Variants in TMPRSS11D observed in about 807,000 individuals in gnomAD.
The protein encoded by TMPRSS11D is transmembrane serine protease 11D, also known as transmembrane protease serine 11D.
In TMPRSS11D, 32 loss-of-function variants were observed where a neutral mutation model predicts 44.4. That is an observed-to-expected ratio of 0.72 (90% CI 0.54 to 0.97). The LOEUF (loss-of-function observed/expected upper bound fraction) is 0.97. TMPRSS11D is among the 50% of genes least tolerant of loss of function. The pLI is 0.00. For synonymous variants in TMPRSS11D, 179 were observed against 177.9 expected (o/e 1.01, Z -0.05); for missense variants, 446 against 502.6 (o/e 0.89, Z 1.08).
chr4:67,859,796 A>C lies in TMPRSS11D; in HGVS notation c.9-118T>G, dbSNP rs1400939331. On this transcript the variant is annotated intron_variant, in intron 1 of 9. Coordinates refer to ENST00000283916, the MANE Select transcript of TMPRSS11D (RefSeq NM_004262.3). ...TCTTATCTGGGACATGGCTCTAGCC[A>C]TAGAAACATATTCGTAGATATGAAA... 16 of 1,336,414 alleles carry C rather than the reference A, an allele frequency of 1.2e-5. No individual in the cohort carries two copies. The South Asian group carries it at 2.4e-4, about 20-fold the overall frequency. The allele number at this position is 1,336,414 out of a possible 1,614,324, so 82.8% of individuals were successfully genotyped here. A position where few individuals can be genotyped will look rare whatever the true frequency, so the allele number is the denominator to read the frequency against.
chr4:67,845,175 TAAAG>T (rs1301736646), intron 3 of TMPRSS11D, among the ~76,000 whole-genome samples: 1 of 152,030 alleles, frequency 6.6e-6, no homozygotes, highest in Non-Finnish European at 1.5e-5. Flanking sequence ...ATAAGCAACA[TAAAG>T]AAAGCAAGTT....
intron 7 of TMPRSS11D, among the ~76,000 whole-genome samples, chr4:67,830,501 GA>G (rs1717920542): frequency 6.6e-6 from 1 of 151,924 alleles, no homozygotes; most frequent in Non-Finnish European, 1.5e-5. Context: ...AGTTAATACA[GA>G]AAATAAAAAT....
chr4:67,823,824 G>GT (rs201590504), intron 9 of TMPRSS11D, among the ~76,000 whole-genome samples: 4,658 of 151,876 alleles, frequency 0.031, 256 homozygotes, highest in African/African-American at 0.11. Context: ...TTTTTGTAGT[G>GT]TTTTTTTTTC....
intron 7 of TMPRSS11D, among the ~76,000 whole-genome samples, chr4:67,831,233 T>G (rs1405885045): frequency 6.6e-6 from 1 of 152,086 alleles, no homozygotes; most frequent in African/African-American, 2.4e-5. Context: ...GAAAGCTACA[T>G]AGAAGAGGTG....
At chr4:67,875,259 T>C (rs78677836) in intron 1 of TMPRSS11D, among the ~76,000 whole-genome samples, 1,701 of 152,314 alleles carry the variant, frequency 0.011, 30 homozygotes, top group African/African-American at 0.038. Context: ...GCAGTATGCA[T>C]ACTGGCAGGG....
At chr4:67,844,363 T>G (rs1321608858) in intron 3 of TMPRSS11D, among the ~76,000 whole-genome samples, 3 of 152,182 alleles carry the variant, frequency 2.0e-5, no homozygotes, top group Non-Finnish European at 2.9e-5. Context: ...TAATTTTCTT[T>G]TTTTTTTCCA....
intron 5 of TMPRSS11D, among the ~76,000 whole-genome samples, chr4:67,836,841 G>A (rs1260406359): frequency 1.3e-5 from 2 of 152,154 alleles, no homozygotes; most frequent in Non-Finnish European, 2.9e-5. Flanking sequence ...ATCGCGTTCA[G>A]TACAGACTGT....
chr4:67,827,651 G>T, intron 7 of TMPRSS11D, 131 bp from the exon 8 acceptor site: 1 of 1,018,030 alleles, frequency 9.8e-7, no homozygotes, highest in Non-Finnish European at 1.4e-6. Flanking sequence ...ATATTTTCCT[G>T]CATTATAAGC....
At chr4:67,876,378 C>A (rs1431019863) in intron 1 of TMPRSS11D, among the ~76,000 whole-genome samples, 1 of 151,786 alleles carries the variant, frequency 6.6e-6, no homozygotes, top group Non-Finnish European at 1.5e-5. Flanking sequence ...ATATGTAGAA[C>A]CTAACTTTGG....
intron 6 of TMPRSS11D, among the ~76,000 whole-genome samples, chr4:67,834,433 G>A (rs1276019747): frequency 1.3e-5 from 2 of 152,184 alleles, no homozygotes; most frequent in South Asian, 4.2e-4. Flanking sequence ...ACACCCATAG[G>A]ACTACCATCA....
At chr4:67,838,081 A>G (rs561057127) in intron 5 of TMPRSS11D, 91 bp downstream of exon 5, 13 of 1,131,584 alleles carry the variant, frequency 1.1e-5, no homozygotes, top group Non-Finnish European at 1.5e-5. Context: ...TCAAAGAAAG[A>G]AAAGTCAGCC....
Position 67,859,661 on chromosome 4 carries a change from G to C in TMPRSS11D, c.26C>G (p.Ser9Trp). 1 of 1,612,828 alleles carries C rather than the reference G, an allele frequency of 6.2e-7. No individual in the cohort carries two copies. The highest frequency in any genetic ancestry group is 8.5e-7 in the Non-Finnish European group (1 of 1,179,136). ...ATATGGATTCAGAAATCTTGAAGTCGAAGTTACACGTGCTGGCCTTACAAG... is the reference window on the plus strand; with the variant it reads ...ATATGGATTCAGAAATCTTGAAGTCCAAGTTACACGTGCTGGCCTTACAAG... The part of the protein sequence containing the change: MYRPARVT[S>W]TSRFLNPYVV... The change falls in exon 2 of 10, where the codon TCG (serine) becomes TGG (tryptophan). Residue 9 changes from serine (S) to tryptophan (W), a missense_variant. Transcript: ENST00000283916.
chr4:67,852,402 G>T (rs1718530709), intron 3 of TMPRSS11D, among the ~76,000 whole-genome samples: 1 of 152,108 alleles, frequency 6.6e-6, no homozygotes, highest in South Asian at 2.1e-4. Flanking sequence ...CCCAATGTCA[G>T]AATTTTTGAT....
intron 1 of TMPRSS11D, among the ~76,000 whole-genome samples, chr4:67,882,151 T>C (rs544799069): frequency 9.9e-5 from 15 of 152,010 alleles, no homozygotes; most frequent in Middle Eastern, 6.8e-3. Context: ...GGAAGAGAGC[T>C]GGGAGTTTAA....
intron 5 of TMPRSS11D, among the ~76,000 whole-genome samples, chr4:67,836,414 G>A (rs1190603705): frequency 6.6e-6 from 1 of 151,988 alleles, no homozygotes; most frequent in Non-Finnish European, 1.5e-5. Context: ...AGGTTTCCAC[G>A]CTCTCTCAAA....
intron 3 of TMPRSS11D, among the ~76,000 whole-genome samples, chr4:67,845,825 G>A (rs945745379): frequency 7.9e-5 from 12 of 152,116 alleles, no homozygotes; most frequent in African/African-American, 2.7e-4. Context: ...GTTATGGCAT[G>A]TGTAAGAAAA....
chr4:67,859,539 T>A lies in TMPRSS11D; in HGVS notation c.130+18A>T. The A allele has an allele frequency of 6.2e-7, 1 of 1,611,166 alleles. No homozygotes were observed. The highest frequency in any genetic ancestry group is 8.5e-7 in the Non-Finnish European group (1 of 1,178,144). On this transcript the variant is annotated intron_variant, in intron 2 of 9. Coordinates refer to ENST00000283916, the MANE Select transcript of TMPRSS11D (RefSeq NM_004262.3). ...TGTAGCTATTAAATCTGAAGAGTAA[T>A]AATGTTCTGGTACTTACCAAAAGCT...
At chr4:67,869,009 TTTGAAGA>T (rs1362088855) in intron 1 of TMPRSS11D, among the ~76,000 whole-genome samples, 1 of 152,222 alleles carries the variant, frequency 6.6e-6, no homozygotes, top group Admixed American at 6.5e-5. Context: ...AAGATGAAAC[TTTGAAGA>T]TTGAGCTTGC....
At position 67,825,783 on chromosome 4, in the gene TMPRSS11D, CAAG is replaced by C; in HGVS notation, c.1041_1043del (p.Ile347_Leu348delinsMet). On this transcript the variant is annotated inframe_deletion, in exon 9 of 10. Transcript: ENST00000283916. ...GTACTCCAGCACACAGCATTCCAGA[CAAG>C]ATGGCTCCATTATAACTATGTGGTG... 1 of 1,613,204 alleles carries C rather than the reference CAAG, an allele frequency of 6.2e-7. No individual in the cohort carries two copies.
Sources: allele counts gnomAD v4.1 joint callset (sites outside exome capture counted in the v4.1 genomes callset), GRCh38; gene constraint gnomAD v4.1.1; transcripts MANE v1.5; gene names NCBI Gene and HGNC (gene_info 2026-07-23, HGNC 2026-07-21).